PBX1: variants seen among roughly 807,000 people sequenced by gnomAD.
The protein encoded by PBX1 is pre-B-cell leukemia transcription factor 1.
A neutral mutation model predicts 53.4 loss-of-function variants in PBX1; 6 were observed. That is an observed-to-expected ratio of 0.11 (90% CI 0.06 to 0.22). The LOEUF (loss-of-function observed/expected upper bound fraction) is 0.22, where lower values mean the gene tolerates loss of function less well. Ranked by LOEUF, PBX1 falls within the 10% of genes least tolerant of loss-of-function variation. The pLI is 1.00. For missense variants in PBX1, 251 were observed against 551.4 expected, an observed-to-expected ratio of 0.46 and a Z score of 5.46; for synonymous variants, 204 against 212.3, an observed-to-expected ratio of 0.96 and a Z score of 0.34.
Position 164,618,370 on chromosome 1 carries a change from G to C in PBX1, c.265+55059G>C, listed in dbSNP as rs1005735057. On this transcript the variant is annotated intron_variant, in intron 2 of 8. Transcript: ENST00000420696. ...CCAGGCTGGGGTAAGGGTTTCCTGGGGAGTGCTGAAGTGCACTTGAACCTT... is the reference window on the plus strand; with the variant it reads ...CCAGGCTGGGGTAAGGGTTTCCTGGCGAGTGCTGAAGTGCACTTGAACCTT... 4.0e-5 allele frequency among the ~76,000 whole-genome samples: 6 copies of C among 151,852 alleles called. No individual in the cohort carries two copies. The East Asian group carries it at 1.2e-3, about 30-fold the overall frequency.
At chr1:164,721,056 G>A (rs570315630) in intron 2 of PBX1, among the ~76,000 whole-genome samples, 3 of 152,228 alleles carry the variant, frequency 2.0e-5, no homozygotes, top group African/African-American at 7.2e-5. Flanking sequence ...CCAGTGAGAA[G>A]ATGGCCGAGC....
At chr1:164,846,166 G>A (rs190006570) in intron 8 of PBX1, among the ~76,000 whole-genome samples, 1 of 152,152 alleles carries the variant, frequency 6.6e-6, no homozygotes, top group East Asian at 1.9e-4. Flanking sequence ...GAAAGCATTT[G>A]AGCCAACCTT....
At chr1:164,881,227 T>C (rs572308939) in intron 2 of PBX1, among the ~76,000 whole-genome samples, 25 of 151,216 alleles carry the variant, frequency 1.7e-4, no homozygotes, top group African/African-American at 5.6e-4. Context: ...AAACCCCCCA[T>C]AGTATAAAAG....
intron 5 of PBX1, 38 bp from the exon 6 acceptor site, chr1:164,811,952 A>G: frequency 1.3e-6 from 2 of 1,568,126 alleles, no homozygotes; most frequent in Non-Finnish European, 1.7e-6. Context: ...CTGAAGGATG[A>G]AATGTGAACT....
At chr1:164,627,014 A>G (rs1241883926) in intron 2 of PBX1, among the ~76,000 whole-genome samples, 2 of 152,214 alleles carry the variant, frequency 1.3e-5, no homozygotes, top group Admixed American at 6.5e-5. Flanking sequence ...ATTTAATATT[A>G]ATTAAACACT....
intron 2 of PBX1, among the ~76,000 whole-genome samples, chr1:164,609,494 C>T (rs1308300500): frequency 6.6e-6 from 1 of 152,150 alleles, no homozygotes; most frequent in Non-Finnish European, 1.5e-5. Context: ...TGTCGCCACA[C>T]CCTTCTTTCC....
intron 8 of PBX1, among the ~76,000 whole-genome samples, chr1:164,835,239 G>GTTTTTTTTT (rs71670294): frequency 6.6e-5 from 9 of 136,114 alleles, no homozygotes; most frequent in Non-Finnish European, 1.4e-4. Flanking sequence ...TTTGATTTTG[G>GTTTTTTTTT]TTTTTTTTTT....
chr1:164,862,352 A>AG (rs1358174390), intron 2 of PBX1, among the ~76,000 whole-genome samples: 1 of 152,184 alleles, frequency 6.6e-6, no homozygotes, highest in Non-Finnish European at 1.5e-5. Flanking sequence ...GTTCCCACCA[A>AG]GGATTATTGC....
intron 8 of PBX1, among the ~76,000 whole-genome samples, chr1:164,840,836 T>A (rs1671253306): frequency 6.6e-6 from 1 of 152,128 alleles, no homozygotes; most frequent in Non-Finnish European, 1.5e-5. Context: ...TTGAGTATTT[T>A]CTAGGTGTAC....
At chr1:164,600,107 C>T (rs918283166) in intron 2 of PBX1, among the ~76,000 whole-genome samples, 1 of 151,240 alleles carries the variant, frequency 6.6e-6, no homozygotes, top group South Asian at 2.1e-4. Context: ...TCTGTTTGGT[C>T]TTACAATTGT....
intron 2 of PBX1, among the ~76,000 whole-genome samples, chr1:164,588,171 A>G (rs1446458242): frequency 2.0e-5 from 3 of 152,182 alleles, no homozygotes; most frequent in African/African-American, 7.2e-5. Context: ...ATGCGGTCAG[A>G]GAGGTTCACA....
At chr1:164,764,143 C>T (rs534547592) in intron 2 of PBX1, among the ~76,000 whole-genome samples, 1 of 152,262 alleles carries the variant, frequency 6.6e-6, no homozygotes, top group Admixed American at 6.5e-5. Flanking sequence ...CTCTGTAACT[C>T]TTGTCAATGA....
chr1:164,846,528 C>T, intron 8 of PBX1, 56 bp from the exon 9 acceptor site: 1 of 1,485,354 alleles, frequency 6.7e-7, no homozygotes, highest in Non-Finnish European at 9.4e-7. Context: ...TCATTGTCTG[C>T]TGAAAACAGC....
chr1:164,658,315 G>A (rs1356199820), intron 2 of PBX1, among the ~76,000 whole-genome samples: 1 of 152,142 alleles, frequency 6.6e-6, no homozygotes, highest in East Asian at 1.9e-4. Flanking sequence ...ATTTCCAAAG[G>A]TTCTCATCAG....
chr1:164,870,676 G>A (rs1044346531), intron 2 of PBX1, among the ~76,000 whole-genome samples: 1 of 152,102 alleles, frequency 6.6e-6, no homozygotes, highest in Non-Finnish European at 1.5e-5. Flanking sequence ...CCTTTAACAC[G>A]AGGAGTTTGT....
At chr1:164,716,311 AAATAAAT>A (rs934103417) in intron 2 of PBX1, among the ~76,000 whole-genome samples, 2 of 152,118 alleles carry the variant, frequency 1.3e-5, no homozygotes, top group African/African-American at 4.8e-5. Context: ...CTAGTGAGTT[AAATAAAT>A]AATAAGATCC....
chr1:164,689,725 C>T (rs1662349603), intron 2 of PBX1, among the ~76,000 whole-genome samples: 1 of 152,118 alleles, frequency 6.6e-6, no homozygotes, highest in Non-Finnish European at 1.5e-5. Context: ...TGACAATATT[C>T]CTTCATTGAT....
At chr1:164,657,677 GT>G (rs1235427196) in intron 2 of PBX1, among the ~76,000 whole-genome samples, 1 of 152,264 alleles carries the variant, frequency 6.6e-6, no homozygotes, top group Non-Finnish European at 1.5e-5. Context: ...TGGGCATATT[GT>G]TTTTTGGGGA....
At chr1:164,876,767 G>A (rs1404702432) in intron 2 of PBX1, among the ~76,000 whole-genome samples, 1 of 152,128 alleles carries the variant, frequency 6.6e-6, no homozygotes, top group Non-Finnish European at 1.5e-5. Flanking sequence ...AAGAAGGGGA[G>A]AGTCCTCCAG....
Sources: gnomAD v4.1 joint callset for allele counts (sites outside exome capture counted in the v4.1 genomes callset) on GRCh38, gnomAD v4.1.1 for gene constraint, MANE v1.5 for transcripts, NCBI Gene and HGNC (gene_info 2026-07-23, HGNC 2026-07-21) for gene names.